FAM83G: variants seen among roughly 807,000 people sequenced by gnomAD.
FAM83G encodes scaffolding CK1 anchoring protein G.
In FAM83G, 38 loss-of-function variants were observed where a neutral mutation model predicts 61.5. The ratio of observed to expected loss-of-function variants is 0.62; its 90% CI spans 0.48 to 0.81. The LOEUF (loss-of-function observed/expected upper bound fraction) is 0.81. Ranked by LOEUF, FAM83G falls within the 30% of genes least tolerant of loss-of-function variation. The pLI is 0.00. For missense variants in FAM83G, 989 were observed against 1,133.6 expected, an observed-to-expected ratio of 0.87 and a Z score of 1.83; for synonymous variants, 470 against 476.1, an observed-to-expected ratio of 0.99 and a Z score of 0.17.
chr17:18,972,863 C>G (rs1254459231), intron 5 of FAM83G, among the ~76,000 whole-genome samples: 1 of 115,540 alleles, frequency 8.7e-6, no homozygotes, highest in Non-Finnish European at 2.0e-5. Flanking sequence ...AGCGAGACTC[C>G]GTCTAAAAAA....
chr17:18,975,225 G>T (rs1197406108), intron 5 of FAM83G, among the ~76,000 whole-genome samples: 1 of 152,206 alleles, frequency 6.6e-6, no homozygotes. Flanking sequence ...CTTCTCCCAA[G>T]TCACAGCAAG....
chr17:18,974,047 C>T (rs1651045996), intron 5 of FAM83G, among the ~76,000 whole-genome samples: 1 of 152,120 alleles, frequency 6.6e-6, no homozygotes, highest in African/African-American at 2.4e-5. Flanking sequence ...CGTGTACCAT[C>T]ATGCCCGGCT....
chr17:18,996,698 G>C lies in FAM83G; in HGVS notation c.522+6822C>G. Among the ~76,000 whole-genome samples the C allele has an allele frequency of 6.6e-6, 1 of 152,148 alleles. No homozygotes were observed. The highest frequency in any genetic ancestry group is 1.5e-5 in the Non-Finnish European group (1 of 68,018). On this transcript the variant is annotated intron_variant, in intron 2 of 5. Coordinates refer to ENST00000388995, the MANE Select transcript of FAM83G (RefSeq NM_001039999.3). This position sits in a 1 kb window ranked among gnomAD's most constrained non-coding sequence, Gnocchi z 4.4. Reference sequence around the variant, plus strand: ...CTGGAGACAGGGAGGGGTGGTGATGGCCACTCCCATTTTCCAGAGGGGGTG... The same window carrying C: ...CTGGAGACAGGGAGGGGTGGTGATGCCCACTCCCATTTTCCAGAGGGGGTG...
rs930936505 is a variant in FAM83G, at chr17:18,977,614, C to T, written c.2052G>A (p.Gln684=). The change falls in exon 5 of 6, where the codon CAG becomes CAA. Residue 684 remains glutamine, a synonymous_variant. Coordinates refer to ENST00000388995, the MANE Select transcript of FAM83G (RefSeq NM_001039999.3). Reference sequence around the variant, plus strand: ...CCTCCTTGTCTGTGGAGCGCTGGGCCTGCATCCTCTTCAACGCATCTGCTT... The same window carrying T: ...CCTCCTTGTCTGTGGAGCGCTGGGCTTGCATCCTCTTCAACGCATCTGCTT... The part of the protein sequence containing the change: ...REEADALKRM[Q]AQRSTDKEAQ... 13 of 1,609,328 alleles carry T rather than the reference C, an allele frequency of 8.1e-6. No individual in the cohort carries two copies. Among genetic ancestry groups the T allele is most frequent in the Non-Finnish European group, 1.1e-5 (13 of 1,179,940 alleles).
intron 4 of FAM83G, chr17:18,979,102 T>C: frequency 1.8e-6 from 1 of 566,684 alleles, no homozygotes; most frequent in Non-Finnish European, 3.2e-6. Flanking sequence ...GGTACAGGAT[T>C]CACTAAGCAG....
intron 2 of FAM83G, among the ~76,000 whole-genome samples, chr17:19,002,702 T>C (rs2043762031): frequency 6.6e-6 from 1 of 152,242 alleles, no homozygotes; most frequent in African/African-American, 2.4e-5. Flanking sequence ...TGGTCACAAC[T>C]GTCCAGCAGT....
upstream of FAM83G, among the ~76,000 whole-genome samples, chr17:19,005,707 G>A (rs1210745796): frequency 6.6e-6 from 1 of 151,428 alleles, no homozygotes; most frequent in African/African-American, 2.4e-5. Context: ...TTGCCTCTGA[G>A]TCCACTGCCC....
chr17:18,971,118 C>T lies in FAM83G; in HGVS notation c.*241G>A. 1.9e-6 allele frequency: 3 copies of T among 1,614,120 alleles called. No individual in the cohort carries two copies. The highest frequency in any genetic ancestry group is 1.7e-6 in the Non-Finnish European group (2 of 1,180,034). On this transcript the variant is annotated 3_prime_UTR_variant, in exon 6 of 6. Coordinates refer to ENST00000388995, the MANE Select transcript of FAM83G (RefSeq NM_001039999.3). This position sits in a 1 kb window ranked among gnomAD's most constrained non-coding sequence, Gnocchi z 5.5. Reference sequence around the variant, plus strand: ...ACCTGCCACCTGCCACGTACAGACGCCATGCACATGTTTCGAGACCCCCAC... The same window carrying T: ...ACCTGCCACCTGCCACGTACAGACGTCATGCACATGTTTCGAGACCCCCAC...
chr17:18,972,212 G>A (rs1391519849), intron 5 of FAM83G, among the ~76,000 whole-genome samples: 1 of 152,184 alleles, frequency 6.6e-6, no homozygotes, highest in African/African-American at 2.4e-5. Flanking sequence ...AAAGGCCGTG[G>A]GCAGCTCCAG....
Position 18,970,520 on chromosome 17 carries a change from CTT to C in FAM83G, c.*837_*838del. ...CATCCCTCTCTGGACCTGTCTCCCT[CTT>C]CTCTGTGCCTCAGGGGGTGGGGCCA... On this transcript the variant is annotated 3_prime_UTR_variant, in exon 6 of 6. Transcript: ENST00000388995. 1 of 171,944 alleles carries C rather than the reference CTT, an allele frequency of 5.8e-6. No homozygotes were observed. Among genetic ancestry groups the C allele is most frequent in the South Asian group, 1.4e-4 (1 of 7,282 alleles). The allele number at this position is 171,944 out of a possible 1,614,324, so 10.7% of individuals were successfully genotyped here.
At position 19,003,251 on chromosome 17, in the gene FAM83G, C is replaced by T. The variant is rs2043777853; in HGVS notation, c.522+269G>A. On this transcript the variant is annotated intron_variant, in intron 2 of 5. Coordinates refer to ENST00000388995, the MANE Select transcript of FAM83G (RefSeq NM_001039999.3). This position sits in a 1 kb window ranked among gnomAD's most constrained non-coding sequence, Gnocchi z 4.5. Reference sequence around the variant, plus strand: ...TATCTCGGTGCCTTCTTCTGGGGAACCAGAAACACCCTCCAACAATAAAGA... The same window carrying T: ...TATCTCGGTGCCTTCTTCTGGGGAATCAGAAACACCCTCCAACAATAAAGA... 6.6e-6 allele frequency among the ~76,000 whole-genome samples: 1 copy of T among 151,242 alleles called. No homozygotes were observed. Among genetic ancestry groups the T allele is most frequent in the Admixed American group, 6.6e-5 (1 of 15,178 alleles).
chr17:18,982,199 TA>T (rs1433313571), intron 3 of FAM83G, among the ~76,000 whole-genome samples: 2 of 152,190 alleles, frequency 1.3e-5, no homozygotes, highest in East Asian at 3.9e-4. Context: ...TGCTGGGCCT[TA>T]GTCTCCCTTA....
At chr17:18,976,838 C>T (rs1336336883) in intron 5 of FAM83G, 8 of 1,612,402 alleles carry the variant, frequency 5.0e-6, no homozygotes, top group East Asian at 2.2e-5. Context: ...CACCCCGTCT[C>T]GCACTCCACC....
intron 2 of FAM83G, among the ~76,000 whole-genome samples, chr17:18,994,062 T>C (rs1041853392): frequency 1.2e-4 from 19 of 152,110 alleles, no homozygotes; most frequent in Non-Finnish European, 2.9e-5. Flanking sequence ...TGGAAGGCTG[T>C]AAGTGACGCA....
At chr17:18,972,381 C>T (rs1473039262) in intron 5 of FAM83G, among the ~76,000 whole-genome samples, 2 of 152,228 alleles carry the variant, frequency 1.3e-5, no homozygotes, top group East Asian at 1.9e-4. Context: ...GCCTTTCCCA[C>T]GTGGCCTACC....
At chr17:18,983,097 A>G (rs1414370974) in intron 3 of FAM83G, among the ~76,000 whole-genome samples, 1 of 152,182 alleles carries the variant, frequency 6.6e-6, no homozygotes, top group Admixed American at 6.5e-5. Flanking sequence ...GGAGGCCAGG[A>G]CTGTCAGCCG....
Position 18,971,406 on chromosome 17 carries a change from C to G in FAM83G, c.2425G>C (p.Asp809His). 6.2e-7 allele frequency: 1 copy of G among 1,613,766 alleles called. No homozygotes were observed. Among genetic ancestry groups the G allele is most frequent in the Non-Finnish European group, 8.5e-7 (1 of 1,179,986 alleles). Residue 809 changes from aspartate to histidine, a missense_variant, in exon 6 of 6, where the codon GAT (aspartate) becomes CAT (histidine). Asp to His is a moderately conservative substitution (Grantham distance 81). Transcript: ENST00000388995. The surrounding 1 kb of genome is among the most constrained non-coding windows in gnomAD (Gnocchi z 5.5). ...GGGGCTTGAGCCCTCCGTTTAGAAT[C>G]CGATGAGGCCCACTGGCTACCGCCC... ...RTGGSQWASS[D>H]SKRRAQAPRD...
Position 18,977,422 on chromosome 17 carries a change from C to T in FAM83G, c.2082+162G>A, listed in dbSNP as rs1358607391. On this transcript the variant is annotated intron_variant, in intron 5 of 5. Transcript: ENST00000388995. ...TGATGGCCTTCCATATGGCCCTGGC[C>T]GGTTCCCACCCCTGCCTGTTCATCA... is the stretch of plus-strand genomic sequence containing the variant. The T allele has an allele frequency of 4.2e-5, 30 of 720,442 alleles. No homozygotes were observed. In the East Asian group the frequency reaches 5.5e-4, roughly 13 times the overall value. The allele number at this position is 720,442 out of a possible 1,614,324, so 44.6% of individuals were successfully genotyped here. A position where few individuals can be genotyped will look rare whatever the true frequency, so the allele number is the denominator to read the frequency against.
At chr17:18,988,594 G>T (rs532242356) in intron 2 of FAM83G, among the ~76,000 whole-genome samples, 180 bp from the exon 3 acceptor site, 1 of 152,342 alleles carries the variant, frequency 6.6e-6, no homozygotes, top group Non-Finnish European at 1.5e-5. Flanking sequence ...CTCTTGCCCT[G>T]AAGTTCTAGT....
Sources: gnomAD v4.1 joint callset for allele counts (sites outside exome capture counted in the v4.1 genomes callset) on GRCh38, gnomAD v4.1.1 for gene constraint, Gnocchi (gnomAD v3.1) non-coding constraint, MANE v1.5 for transcripts, NCBI Gene and HGNC (gene_info 2026-07-23, HGNC 2026-07-21) for gene names.